DTNB: variants seen among roughly 807,000 people sequenced by gnomAD.
DTNB encodes the protein dystrobrevin beta.
In DTNB, 63 loss-of-function variants were observed where a neutral mutation model predicts 90.7. That is an observed-to-expected ratio of 0.69 (90% CI 0.57 to 0.86). The LOEUF (loss-of-function observed/expected upper bound fraction) is 0.86. DTNB is among the 40% of genes least tolerant of loss of function. The probability of loss-of-function intolerance (pLI) is 0.00; values close to 1 mark genes in which losing one functional copy is unlikely to be tolerated. For missense variants in DTNB, 744 were observed against 807.1 expected, an observed-to-expected ratio of 0.92 and a Z score of 0.95; for synonymous variants, 277 against 286.7, an observed-to-expected ratio of 0.97 and a Z score of 0.34.
At chr2:25,537,904 C>T (rs2080199944) in intron 8 of DTNB, among the ~76,000 whole-genome samples, 2 of 152,150 alleles carry the variant, frequency 1.3e-5, no homozygotes, top group Non-Finnish European at 2.9e-5. Context: ...ATCAGAGATG[C>T]TCTTTAAGGT....
chr2:25,636,949 TTAAAG>T (rs1207567072), intron 3 of DTNB, among the ~76,000 whole-genome samples: 1 of 151,914 alleles, frequency 6.6e-6, no homozygotes, highest in Non-Finnish European at 1.5e-5. Context: ...TGAGTAAGAC[TTAAAG>T]TAGAGTAGAA....
chr2:25,637,910 G>A (rs1026510287), intron 3 of DTNB, among the ~76,000 whole-genome samples: 25 of 152,146 alleles, frequency 1.6e-4, no homozygotes, highest in East Asian at 3.9e-4. Flanking sequence ...ACATGCACAC[G>A]TATGTTTATT....
intron 2 of DTNB, among the ~76,000 whole-genome samples, chr2:25,640,649 C>A (rs966363372): frequency 2.0e-5 from 3 of 152,132 alleles, no homozygotes; most frequent in African/African-American, 7.2e-5. Context: ...GTAGCTCACA[C>A]CTGTAATCTC....
At chr2:25,473,118 G>A (rs2063120631) in intron 10 of DTNB, among the ~76,000 whole-genome samples, 1 of 152,204 alleles carries the variant, frequency 6.6e-6, no homozygotes. Context: ...TAAATTGGGG[G>A]TAAAGTGGGG....
intron 16 of DTNB, among the ~76,000 whole-genome samples, chr2:25,412,791 C>T (rs2046926683): frequency 6.6e-6 from 1 of 152,134 alleles, no homozygotes; most frequent in African/African-American, 2.4e-5. Flanking sequence ...AAAATGGAAC[C>T]CTAAAATGTT....
chr2:25,627,711 G>T (rs555195425), intron 4 of DTNB, among the ~76,000 whole-genome samples: 1 of 151,272 alleles, frequency 6.6e-6, no homozygotes, highest in South Asian at 2.1e-4. Context: ...CCAGTTTCTA[G>T]AGGGGCTTAC....
chr2:25,411,216 G>A (rs1456641023), intron 16 of DTNB, among the ~76,000 whole-genome samples: 3 of 151,998 alleles, frequency 2.0e-5, no homozygotes, highest in Admixed American at 6.6e-5. Flanking sequence ...AAGATTAGCT[G>A]GGCGTGGTGG....
At chr2:25,418,021 C>T (rs1354326648) in intron 16 of DTNB, among the ~76,000 whole-genome samples, 1 of 152,176 alleles carries the variant, frequency 6.6e-6, no homozygotes, top group East Asian at 1.9e-4. Flanking sequence ...CATGTAATGG[C>T]TGGGCTTGAT....
chr2:25,498,352 T>C (rs1020003143), intron 9 of DTNB, among the ~76,000 whole-genome samples: 1 of 152,032 alleles, frequency 6.6e-6, no homozygotes, highest in African/African-American at 2.4e-5. Context: ...CACTCAGATA[T>C]CCAAACTAAG....
intron 17 of DTNB, 151 bp downstream of exon 17, chr2:25,388,051 G>T: frequency 7.5e-7 from 1 of 1,324,646 alleles, no homozygotes; most frequent in Non-Finnish European, 1.0e-6. Flanking sequence ...CATGAGAAGG[G>T]GCCAGCACCT....
intron 16 of DTNB, among the ~76,000 whole-genome samples, chr2:25,408,647 T>A (rs2045882788): frequency 6.6e-6 from 1 of 151,510 alleles, no homozygotes; most frequent in Non-Finnish European, 1.5e-5. Flanking sequence ...CATCAGGGCA[T>A]CTATATTGCA....
At chr2:25,543,036 T>A (rs1345091158) in intron 8 of DTNB, among the ~76,000 whole-genome samples, 2 of 152,206 alleles carry the variant, frequency 1.3e-5, no homozygotes, top group Non-Finnish European at 2.9e-5. Context: ...GAATTGTTAA[T>A]TTTGTCTTTT....
chr2:25,579,382 A>C (rs1426925164), intron 7 of DTNB, among the ~76,000 whole-genome samples: 1 of 152,250 alleles, frequency 6.6e-6, no homozygotes, highest in Non-Finnish European at 1.5e-5. Flanking sequence ...AAGTATGGAT[A>C]GGAAAGCGAG....
intron 9 of DTNB, among the ~76,000 whole-genome samples, chr2:25,508,637 C>G (rs913670786): frequency 4.0e-4 from 60 of 149,856 alleles, no homozygotes; most frequent in African/African-American, 1.5e-3. Flanking sequence ...CGGGTTCAAG[C>G]GATACTCCCA....
In DTNB at chr2:25,426,954, T is replaced by C. The variant is rs556830868; in HGVS notation, c.1554+581A>G. Among the ~76,000 whole-genome samples, 7 of 152,288 alleles carry C rather than the reference T, an allele frequency of 4.6e-5. No homozygotes were observed. In the East Asian group the frequency reaches 1.3e-3, roughly 29 times the overall value. On this transcript the variant is annotated intron_variant, in intron 15 of 20. Transcript: ENST00000406818. ...AATTTGGGAGGCTGAAGTGGGTGGA[T>C]CACCTGAGGTCAGGAGTTTGAGACC... is the stretch of plus-strand genomic sequence containing the variant.
chr2:25,440,524 T>C (rs143227847), intron 12 of DTNB, among the ~76,000 whole-genome samples: 219 of 152,336 alleles, frequency 1.4e-3, no homozygotes, highest in African/African-American at 4.8e-3. Context: ...TGTGAGAACA[T>C]TTTGTGCAAA....
At chr2:25,618,043 A>C (rs1434319892) in intron 4 of DTNB, among the ~76,000 whole-genome samples, 2 of 152,150 alleles carry the variant, frequency 1.3e-5, no homozygotes, top group Non-Finnish European at 2.9e-5. Flanking sequence ...AAGAAAAAAA[A>C]CTTAGCTCTT....
At chr2:25,383,745 C>T (rs2038593469) in intron 19 of DTNB, 91 bp downstream of exon 19, 8 of 1,611,292 alleles carry the variant, frequency 5.0e-6, no homozygotes, top group Non-Finnish European at 6.8e-6. Context: ...AAGGTGGTGG[C>T]AGGGAGGAAT....
At chr2:25,521,183 A>C (rs746493491) in intron 9 of DTNB, among the ~76,000 whole-genome samples, 1 of 152,110 alleles carries the variant, frequency 6.6e-6, no homozygotes, top group Non-Finnish European at 1.5e-5. Context: ...GAGTCTAAAG[A>C]AGCACAAAGT....
Sources: allele counts gnomAD v4.1 joint callset (sites outside exome capture counted in the v4.1 genomes callset), GRCh38; gene constraint gnomAD v4.1.1; transcripts MANE v1.5; gene names NCBI Gene and HGNC (gene_info 2026-07-23, HGNC 2026-07-21).